The following WDFY3 variants were observed in gnomAD, a reference collection of about 807,000 sequenced individuals.
WDFY3 encodes the protein WD repeat and FYVE domain-containing protein 3.
A neutral mutation model predicts 409.6 loss-of-function variants in WDFY3; 66 were observed. That is an observed-to-expected ratio of 0.16 (90% CI 0.13 to 0.20). WDFY3 has a LOEUF of 0.20. Among genes scored for constraint, WDFY3 ranks in the 10% least tolerant of loss-of-function variants. WDFY3 has a pLI of 1.00. For missense variants in WDFY3, 3,031 were observed against 4,298.1 expected (o/e 0.71, Z 8.24); for synonymous variants, 1,521 against 1,537.1 (o/e 0.99, Z 0.25).
chr4:84,876,557 C>A (rs985407589), intron 3 of WDFY3, among the ~76,000 whole-genome samples: 2 of 151,896 alleles, frequency 1.3e-5, no homozygotes, highest in East Asian at 3.9e-4. Context: ...GTTATTCTAC[C>A]GTAATGTACA....
intron 2 of WDFY3, among the ~76,000 whole-genome samples, chr4:84,925,439 G>A (rs1329794688): frequency 2.6e-5 from 4 of 152,078 alleles, no homozygotes; most frequent in Admixed American, 6.6e-5. Context: ...AAGAAAGTTG[G>A]TCTGGACTCT....
At chr4:84,723,158 T>C (rs553206933) in intron 46 of WDFY3, among the ~76,000 whole-genome samples, 1 of 152,348 alleles carries the variant, frequency 6.6e-6, no homozygotes, top group East Asian at 1.9e-4. Flanking sequence ...TCAATAACTA[T>C]GCTGGTGCAA....
chr4:84,849,797 A>G lies in WDFY3; in HGVS notation c.304+105T>C, dbSNP rs1218925727. The stretch of plus-strand genomic sequence containing the variant: ...GAAAGGGAATGGGTAAATGAACTCA[A>G]TGTGCTGAGAACAAGGTCTGTTTTC... On this transcript the variant is annotated intron_variant, in intron 5 of 67. Transcript: ENST00000295888. 8 of 1,469,538 alleles carry G rather than the reference A, an allele frequency of 5.4e-6. No individual in the cohort carries two copies. The South Asian group carries it at 6.2e-5, about 11-fold the overall frequency. 91.0% of individuals were successfully genotyped at this position (1,469,538 alleles called of 1,614,324 possible). A position where few individuals can be genotyped will look rare whatever the true frequency, so the allele number is the denominator to read the frequency against.
rs748979043 is a variant in WDFY3, at chr4:84,766,279, G to C, written c.4943C>G (p.Ser1648Cys). Residue 1648 changes from serine to cysteine, a missense_variant, in exon 31 of 68, where the codon TCT becomes TGT. Ser to Cys is a moderately radical substitution (Grantham distance 112). Coordinates refer to ENST00000295888, the MANE Select transcript of WDFY3 (RefSeq NM_014991.6). ...CAAATTAATGCTTGTCTTTTCTTTA[G>C]ATGTATAAATTAGTTTTAGCAAGAT... ...LDILLKLIYT[S>C]KEKTSINLQA... 1 of 1,591,874 alleles carries C rather than the reference G, an allele frequency of 6.3e-7. No individual in the cohort carries two copies.
At chr4:84,848,772 T>C (rs1047895143) in intron 5 of WDFY3, among the ~76,000 whole-genome samples, 1 of 152,110 alleles carries the variant, frequency 6.6e-6, no homozygotes, top group Admixed American at 6.5e-5. Flanking sequence ...ACCACAGCTG[T>C]GTATTCAGCA....
intron 4 of WDFY3, among the ~76,000 whole-genome samples, chr4:84,859,617 C>G (rs1475912828): frequency 2.0e-5 from 3 of 152,112 alleles, no homozygotes; most frequent in Non-Finnish European, 4.4e-5. Context: ...CTCTTGTCGC[C>G]CAGGCTGGAG....
At chr4:84,882,583 A>C (rs1395250998) in intron 3 of WDFY3, among the ~76,000 whole-genome samples, 1 of 152,194 alleles carries the variant, frequency 6.6e-6, no homozygotes, top group African/African-American at 2.4e-5. Flanking sequence ...TAAATGAAAA[A>C]GATTAGGAAA....
intron 3 of WDFY3, among the ~76,000 whole-genome samples, chr4:84,890,699 C>A (rs898283809): frequency 3.9e-5 from 6 of 152,298 alleles, no homozygotes; most frequent in Admixed American, 2.0e-4. Context: ...TTTTGCCATG[C>A]GGTTTCTGTT....
intron 27 of WDFY3, among the ~76,000 whole-genome samples, chr4:84,778,150 C>G (rs1193496420): frequency 1.3e-5 from 2 of 152,050 alleles, no homozygotes; most frequent in African/African-American, 4.8e-5. Context: ...TTTTACCATG[C>G]AGCTGTAACC....
intron 55 of WDFY3, 25 bp from the exon 56 acceptor site, chr4:84,702,531 CTA>C (rs1366893419): frequency 2.6e-6 from 4 of 1,553,826 alleles, no homozygotes; most frequent in Non-Finnish European, 3.5e-6. Flanking sequence ...AGACACCTCT[CTA>C]TTAGAGAACC....
At chr4:84,693,799 G>T (rs918523862) in intron 58 of WDFY3, among the ~76,000 whole-genome samples, 1 of 151,688 alleles carries the variant, frequency 6.6e-6, no homozygotes, top group Non-Finnish European at 1.5e-5. Context: ...GGAGGGTGAG[G>T]CAGGAGAATC....
chr4:84,766,446 A>T, intron 30 of WDFY3, 74 bp from the exon 31 acceptor site: 1 of 1,389,408 alleles, frequency 7.2e-7, no homozygotes, highest in Non-Finnish European at 9.7e-7. Flanking sequence ...AGTTCTTGGA[A>T]AGTTTACTGA....
chr4:84,850,037 A>G lies in WDFY3; in HGVS notation c.181-12T>C. 1.9e-6 allele frequency: 3 copies of G among 1,567,384 alleles called. No homozygotes were observed. Among genetic ancestry groups the G allele is most frequent in the Non-Finnish European group, 2.6e-6 (3 of 1,159,020 alleles). On this transcript the variant is annotated splice_polypyrimidine_tract_variant and intron_variant, in intron 4 of 67. Transcript: ENST00000295888. ...GCATTTCCAAAAACCTGTAGATAAG[A>G]AAAGACATTGTTAATGAAGCACTGA...
intron 25 of WDFY3, among the ~76,000 whole-genome samples, chr4:84,781,991 T>C (rs897828779): frequency 1.3e-5 from 2 of 152,228 alleles, no homozygotes; most frequent in African/African-American, 2.4e-5. Flanking sequence ...ACCAGTATTA[T>C]ATACTGATTT....
At chr4:84,884,786 T>C (rs1190483637) in intron 3 of WDFY3, among the ~76,000 whole-genome samples, 2 of 152,138 alleles carry the variant, frequency 1.3e-5, no homozygotes. Flanking sequence ...GGCAGACCCA[T>C]ATATCTAATC....
intron 1 of WDFY3, among the ~76,000 whole-genome samples, chr4:84,933,913 T>C (rs985610907): frequency 6.6e-6 from 1 of 152,152 alleles, no homozygotes; most frequent in Non-Finnish European, 1.5e-5. Context: ...AATTTCTTTA[T>C]CCATTTGTCT....
intron 36 of WDFY3, among the ~76,000 whole-genome samples, chr4:84,747,563 G>C (rs1427187845): frequency 2.6e-5 from 4 of 152,096 alleles, no homozygotes; most frequent in African/African-American, 7.2e-5. Flanking sequence ...ATGTGCTTAT[G>C]TTGGCTGTAT....
intron 3 of WDFY3, among the ~76,000 whole-genome samples, chr4:84,880,669 C>CCACA (rs1560990656): frequency 1.1e-4 from 5 of 47,298 alleles, no homozygotes; most frequent in South Asian, 8.1e-4. Flanking sequence ...AATAAGGGAA[C>CCACA]CATACATATA....
chr4:84,718,686 GAGA>G (rs1423916688), intron 47 of WDFY3, 116 bp from the exon 48 acceptor site: 2 of 1,248,328 alleles, frequency 1.6e-6, no homozygotes, highest in South Asian at 1.9e-5. Flanking sequence ...TAAGCATATT[GAGA>G]AGATTAAGCT....
Sources: allele counts gnomAD v4.1 joint callset (sites outside exome capture counted in the v4.1 genomes callset), GRCh38; gene constraint gnomAD v4.1.1; transcripts MANE v1.5; gene names NCBI Gene and HGNC (gene_info 2026-07-23, HGNC 2026-07-21).